The following ZC3H8 variants were observed in gnomAD, a reference collection of about 807,000 sequenced individuals.
ZC3H8 encodes zinc finger CCCH-type containing 8, also known as zinc finger CCCH domain-containing protein 8.
A neutral mutation model predicts 42.5 loss-of-function variants in ZC3H8; 27 were observed. That is an observed-to-expected ratio of 0.64 (90% CI 0.47 to 0.88). ZC3H8 has a LOEUF of 0.88. Ranked by LOEUF, ZC3H8 falls within the 40% of genes least tolerant of loss-of-function variation. The probability of loss-of-function intolerance (pLI) is 0.00; values close to 1 mark genes in which losing one functional copy is unlikely to be tolerated. For synonymous variants in ZC3H8, 101 were observed against 110.1 expected (o/e 0.92, Z 0.52); for missense variants, 277 against 336.1 (o/e 0.82, Z 1.37).
In ZC3H8 at chr2:112,234,107, C is replaced by G; in HGVS notation, c.621+13G>C. Reference sequence around the variant, plus strand: ...TTACATTTTAGTAGATTTTTGCTTACACATTTTTATACCTTAATACATTTC... The same window carrying G: ...TTACATTTTAGTAGATTTTTGCTTAGACATTTTTATACCTTAATACATTTC... On this transcript the variant is annotated intron_variant, in intron 5 of 8. Coordinates refer to ENST00000409573, the MANE Select transcript of ZC3H8 (RefSeq NM_032494.3). 1 of 1,441,846 alleles carries G rather than the reference C, an allele frequency of 6.9e-7. No individual in the cohort carries two copies. Among genetic ancestry groups the G allele is most frequent in the Non-Finnish European group, 9.4e-7 (1 of 1,062,118 alleles). The allele number at this position is 1,441,846 out of a possible 1,614,324, so 89.3% of individuals were successfully genotyped here. A position where few individuals can be genotyped will look rare whatever the true frequency, so the allele number is the denominator to read the frequency against.
At chr2:112,233,472 A>C (rs1558925048) in intron 5 of ZC3H8, 101 bp from the exon 6 acceptor site, 7 of 773,442 alleles carry the variant, frequency 9.1e-6, no homozygotes, top group African/African-American at 1.8e-5. Context: ...GATTCCAGAA[A>C]GAACCAAAGT....
intron 4 of ZC3H8, among the ~76,000 whole-genome samples, chr2:112,235,673 A>G (rs558360474): frequency 6.6e-6 from 1 of 152,330 alleles, no homozygotes; most frequent in East Asian, 1.9e-4. Flanking sequence ...CAGAAGAGGT[A>G]CTTATTATTC....
rs1684256228 is a variant in ZC3H8, at chr2:112,214,514, GGTCA to G, written c.*1966_*1969del. The G allele has an allele frequency of 6.6e-6, 1 of 151,952 alleles. No individual in the cohort carries two copies. The highest frequency in any genetic ancestry group is 1.5e-5 in the Non-Finnish European group (1 of 68,024). 9.4% of individuals were successfully genotyped at this position (151,952 alleles called of 1,614,324 possible). A position where few individuals can be genotyped will look rare whatever the true frequency, so the allele number is the denominator to read the frequency against. On this transcript the variant is annotated 3_prime_UTR_variant, in exon 9 of 9. Transcript: ENST00000409573. ...TATATATGCTTGGAGCTGCATCAAG[GGTCA>G]GTGAGATTTACTTCACAGGAGGAAA...
At chr2:112,245,167 T>C (rs965004835) in intron 2 of ZC3H8, among the ~76,000 whole-genome samples, 1 of 152,194 alleles carries the variant, frequency 6.6e-6, no homozygotes, top group African/African-American at 2.4e-5. Context: ...TACAGAGAAA[T>C]TGTATTGGTC....
intron 8 of ZC3H8, among the ~76,000 whole-genome samples, chr2:112,219,871 G>A (rs1684510387): frequency 1.3e-5 from 2 of 152,038 alleles, no homozygotes; most frequent in African/African-American, 4.8e-5. Flanking sequence ...AGTGTTTAAT[G>A]TCTCCCACTA....
intron 8 of ZC3H8, among the ~76,000 whole-genome samples, chr2:112,223,115 G>C (rs150735591): frequency 6.6e-6 from 1 of 152,010 alleles, no homozygotes; most frequent in African/African-American, 2.4e-5. Flanking sequence ...GTCGTGGGGT[G>C]GGGGAGTGGG....
rs970611916 is a variant in ZC3H8, at chr2:112,211,559, C to A, written c.*4925G>T. 2 of 152,152 alleles carry A rather than the reference C, an allele frequency of 1.3e-5. No homozygotes were observed. The highest frequency in any genetic ancestry group is 2.9e-5 in the Non-Finnish European group (2 of 68,034). 9.4% of individuals were successfully genotyped at this position (152,152 alleles called of 1,614,324 possible). ...TAGTAAACTTTTATTTAACTATGTA[C>A]AACTTCAGTTAAAAATTATATTTAA... On this transcript the variant is annotated 3_prime_UTR_variant, in exon 9 of 9. Coordinates refer to ENST00000409573, the MANE Select transcript of ZC3H8 (RefSeq NM_032494.3).
At chr2:112,244,270 C>T (rs777374246) in intron 2 of ZC3H8, among the ~76,000 whole-genome samples, 4 of 152,130 alleles carry the variant, frequency 2.6e-5, no homozygotes, top group Non-Finnish European at 5.9e-5. Context: ...TAACCTCAAA[C>T]TTAATTCTAT....
chr2:112,217,742 T>C (rs557319260), intron 8 of ZC3H8, among the ~76,000 whole-genome samples: 1 of 152,236 alleles, frequency 6.6e-6, no homozygotes, highest in Non-Finnish European at 1.5e-5. Flanking sequence ...TAATTTTTGC[T>C]TAAAAGCTTG....
At chr2:112,234,627 C>T (rs951195426) in intron 4 of ZC3H8, among the ~76,000 whole-genome samples, 2 of 152,072 alleles carry the variant, frequency 1.3e-5, no homozygotes, top group Non-Finnish European at 2.9e-5. Flanking sequence ...ACAGTGAAAC[C>T]TCATCTCTAC....
At position 112,215,653 on chromosome 2, in the gene ZC3H8, A is replaced by C. The variant is rs751346383; in HGVS notation, c.*831T>G. ...CATGGTATTTGTCTAATAATAACCA[A>C]TAATCAATATTACTATATAAAACTG... is the stretch of plus-strand genomic sequence containing the variant. On this transcript the variant is annotated 3_prime_UTR_variant, in exon 9 of 9. Transcript: ENST00000409573. 2.0e-5 allele frequency: 3 copies of C among 152,212 alleles called. No homozygotes were observed. Among genetic ancestry groups the C allele is most frequent in the Non-Finnish European group, 4.4e-5 (3 of 68,034 alleles). 9.4% of individuals were successfully genotyped at this position (152,212 alleles called of 1,614,324 possible).
chr2:112,250,023 TTGATA>T, intron 2 of ZC3H8, 163 bp downstream of exon 2: 2 of 442,256 alleles, frequency 4.5e-6, no homozygotes, highest in Non-Finnish European at 7.9e-6. Context: ...CCAGTTTTCT[TTGATA>T]TAAGTAACTG....
chr2:112,254,899 T>C lies in ZC3H8; in HGVS notation c.74+9A>G, dbSNP rs373544658. On this transcript the variant is annotated intron_variant, in intron 1 of 8. Transcript: ENST00000409573. The stretch of plus-strand genomic sequence containing the variant: ...CCTGCATTCAAAAGATGAAAAGATA[T>C]GGGATCACCTTTCGTCAGAGTCCGT... The C allele has an allele frequency of 2.7e-5, 43 of 1,612,930 alleles. No homozygotes were observed. The highest frequency in any genetic ancestry group is 2.3e-4 in the African/African-American group (17 of 74,886).
chr2:112,254,997 TC>T lies in ZC3H8; in HGVS notation c.-17del. 1 of 1,594,562 alleles carries T rather than the reference TC, an allele frequency of 6.3e-7. No homozygotes were observed. Among genetic ancestry groups the T allele is most frequent in the African/African-American group, 1.3e-5 (1 of 74,540 alleles). On this transcript the variant is annotated 5_prime_UTR_variant, in exon 1 of 9. Transcript: ENST00000409573. ...CAAAATCCATGACCCAGACAGGTCCTCCCTTTCGCGAGCCGGGAAGCTACAG... is the reference window on the plus strand; with the variant it reads ...CAAAATCCATGACCCAGACAGGTCCTCCTTTCGCGAGCCGGGAAGCTACAG...
intron 2 of ZC3H8, among the ~76,000 whole-genome samples, chr2:112,248,118 G>A (rs898018236): frequency 6.6e-6 from 1 of 152,194 alleles, no homozygotes; most frequent in African/African-American, 2.4e-5. Context: ...TTGAGCTCTG[G>A]AGTTTGAGAC....
At chr2:112,232,506 C>A (rs1473039149) in intron 6 of ZC3H8, among the ~76,000 whole-genome samples, 1 of 151,932 alleles carries the variant, frequency 6.6e-6, no homozygotes, top group African/African-American at 2.4e-5. Context: ...AGAGTACAGG[C>A]ATGTTTCATA....
chr2:112,231,752 CCTT>C (rs1685100503), intron 7 of ZC3H8, 83 bp downstream of exon 7: 2 of 755,220 alleles, frequency 2.6e-6, no homozygotes, highest in Admixed American at 2.9e-5. Flanking sequence ...GAGGCACTCT[CCTT>C]AATTATCTTC....
Position 112,212,418 on chromosome 2 carries a change from T to C in ZC3H8, c.*4066A>G, listed in dbSNP as rs1684169584. ...GGAGCTGAATACAATGAATGTAGTTTTTGGTGAAGAGGATGGCGAGGGGGA... is the reference window on the plus strand; with the variant it reads ...GGAGCTGAATACAATGAATGTAGTTCTTGGTGAAGAGGATGGCGAGGGGGA... On this transcript the variant is annotated 3_prime_UTR_variant, in exon 9 of 9. Coordinates refer to ENST00000409573, the MANE Select transcript of ZC3H8 (RefSeq NM_032494.3). The C allele has an allele frequency of 6.6e-6, 1 of 152,218 alleles. No homozygotes were observed. The highest frequency in any genetic ancestry group is 6.5e-5 in the Admixed American group (1 of 15,276). 9.4% of individuals were successfully genotyped at this position (152,218 alleles called of 1,614,324 possible). A position where few individuals can be genotyped will look rare whatever the true frequency, so the allele number is the denominator to read the frequency against.
At position 112,213,775 on chromosome 2, in the gene ZC3H8, CAAAAAAAAAAAA is replaced by C. The variant is rs1166711844; in HGVS notation, c.*2697_*2708del. ...TGGGCGACAGAGCGAGACTCCGTCT[CAAAAAAAAAAAA>C]AAAAAAAAAAAAAAAAAAAAAAAAT... On this transcript the variant is annotated 3_prime_UTR_variant, in exon 9 of 9. Transcript: ENST00000409573. 4 of 24,074 alleles carry C rather than the reference CAAAAAAAAAAAA, an allele frequency of 1.7e-4. No individual in the cohort carries two copies. The highest frequency in any genetic ancestry group is 6.0e-4 in the African/African-American group (3 of 5,026). The allele number at this position is 24,074 out of a possible 1,614,324, so 1.5% of individuals were successfully genotyped here.
Sources: allele counts gnomAD v4.1 joint callset (sites outside exome capture counted in the v4.1 genomes callset), GRCh38; gene constraint gnomAD v4.1.1; transcripts MANE v1.5; gene names NCBI Gene and HGNC (gene_info 2026-07-23, HGNC 2026-07-21).